Variants in RHAG observed in about 807,000 individuals in gnomAD.
RHAG encodes the protein ammonium transporter Rh type A.
In RHAG, 25 loss-of-function variants were observed where a neutral mutation model predicts 42.4. That is an observed-to-expected ratio of 0.59 (90% CI 0.43 to 0.82). RHAG has a LOEUF of 0.82. RHAG is among the 40% of genes least tolerant of loss of function. The probability of loss-of-function intolerance (pLI) is 0.00; values close to 1 mark genes in which losing one functional copy is unlikely to be tolerated. For synonymous variants in RHAG, 182 were observed against 177.7 expected (o/e 1.02, Z -0.19); for missense variants, 483 against 504.6 (o/e 0.96, Z 0.41).
At chr6:49,617,977 A>G in intron 3 of RHAG, 91 bp downstream of exon 3, 4 of 1,143,884 alleles carry the variant, frequency 3.5e-6, no homozygotes, top group Non-Finnish European at 3.9e-6. Flanking sequence ...TCTCACCAAG[A>G]TTTGCTCCCA....
intron 1 of RHAG, among the ~76,000 whole-genome samples, chr6:49,620,541 T>C (rs1036761322): frequency 8.6e-5 from 13 of 151,256 alleles, no homozygotes; most frequent in African/African-American, 3.0e-4. Context: ...CTCTCTTTTT[T>C]TGGGGGGGGA....
At chr6:49,606,599 G>T in intron 9 of RHAG, 1 of 417,808 alleles carries the variant, frequency 2.4e-6, no homozygotes, top group Non-Finnish European at 4.2e-6. Context: ...CCCATTGAAA[G>T]AAAAATTTTA....
intron 2 of RHAG, 136 bp downstream of exon 2, chr6:49,619,043 T>C (rs150085363): frequency 1.3e-5 from 12 of 939,618 alleles, no homozygotes; most frequent in Non-Finnish European, 1.9e-5. Flanking sequence ...ACTGATCCCA[T>C]TCATAAACAC....
At chr6:49,615,035 C>T (rs1762630639) in intron 4 of RHAG, 182 bp from the exon 5 acceptor site, 2 of 595,446 alleles carry the variant, frequency 3.4e-6, no homozygotes, top group Admixed American at 2.6e-5. Flanking sequence ...GCAACTTCCA[C>T]CTCTCAGGTT....
At chr6:49,623,851 T>C (rs886351164) in intron 1 of RHAG, among the ~76,000 whole-genome samples, 1 of 152,232 alleles carries the variant, frequency 6.6e-6, no homozygotes, top group Non-Finnish European at 1.5e-5. Flanking sequence ...TTAAACATTT[T>C]AGACCAAAAC....
intron 1 of RHAG, among the ~76,000 whole-genome samples, chr6:49,632,683 A>T (rs1047805854): frequency 6.6e-6 from 1 of 152,140 alleles, no homozygotes; most frequent in Admixed American, 6.5e-5. Context: ...AAACTAACGG[A>T]TTTTTAATGC....
chr6:49,619,089 C>T (rs556159035), intron 2 of RHAG, 90 bp downstream of exon 2: 2 of 1,422,924 alleles, frequency 1.4e-6, no homozygotes, highest in Non-Finnish European at 2.0e-6. Flanking sequence ...CCCAGTCCCC[C>T]ACCTCTTAAT....
chr6:49,608,957 G>C (rs181151117), intron 7 of RHAG, among the ~76,000 whole-genome samples: 1 of 152,134 alleles, frequency 6.6e-6, no homozygotes, highest in East Asian at 1.9e-4. Flanking sequence ...AGATATTTTT[G>C]ATAACAAGTG....
intron 1 of RHAG, among the ~76,000 whole-genome samples, chr6:49,632,728 A>T (rs941191693): frequency 2.6e-5 from 4 of 152,158 alleles, no homozygotes; most frequent in African/African-American, 4.8e-5. Flanking sequence ...TATGATTTTA[A>T]TGTCCCCTAG....
chr6:49,635,494 A>C (rs1483385832), intron 1 of RHAG, among the ~76,000 whole-genome samples: 1 of 152,148 alleles, frequency 6.6e-6, no homozygotes, highest in Non-Finnish European at 1.5e-5. Flanking sequence ...AATGAATGAA[A>C]TGTACAAAAG....
intron 1 of RHAG, among the ~76,000 whole-genome samples, chr6:49,622,467 CCTAAAGTG>C (rs370641254): frequency 1.0e-3 from 154 of 152,160 alleles, no homozygotes; most frequent in African/African-American, 3.6e-3. Context: ...TCCTTGGCTT[CCTAAAGTG>C]CTGGATTACA....
At chr6:49,621,459 CCTT>C (rs1762758492) in intron 1 of RHAG, among the ~76,000 whole-genome samples, 1 of 152,136 alleles carries the variant, frequency 6.6e-6, no homozygotes, top group Non-Finnish European at 1.5e-5. Flanking sequence ...GAGGCCTTCT[CCTT>C]CTCTGCCCAA....
At chr6:49,608,574 A>G (rs550969316) in intron 7 of RHAG, among the ~76,000 whole-genome samples, 56 of 152,098 alleles carry the variant, frequency 3.7e-4, no homozygotes, top group Admixed American at 2.3e-3. Flanking sequence ...ATGGGGTTTC[A>G]CCATATTGGC....
chr6:49,633,249 T>C (rs1035169550), intron 1 of RHAG, among the ~76,000 whole-genome samples: 1 of 152,174 alleles, frequency 6.6e-6, no homozygotes, highest in African/African-American at 2.4e-5. Context: ...TGTGAACTTC[T>C]TGGGGAGGAA....
Position 49,605,212 on chromosome 6 carries a change from A to G in RHAG, c.*601T>C, listed in dbSNP as rs1462326505. The G allele has an allele frequency of 6.4e-6, 1 of 155,060 alleles. No homozygotes were observed. Among genetic ancestry groups the G allele is most frequent in the Admixed American group, 6.3e-5 (1 of 15,958 alleles). The allele number at this position is 155,060 out of a possible 1,614,324, so 9.6% of individuals were successfully genotyped here. A position where few individuals can be genotyped will look rare whatever the true frequency, so the allele number is the denominator to read the frequency against. On this transcript the variant is annotated 3_prime_UTR_variant, in exon 10 of 10. Transcript: ENST00000371175. ...ACAATATTTAATTATTGGACATTTT[A>G]TGCAAAATAGACTTTGATCAGATAG...
At chr6:49,628,650 A>G (rs921911464) in intron 1 of RHAG, among the ~76,000 whole-genome samples, 2 of 145,436 alleles carry the variant, frequency 1.4e-5, no homozygotes, top group African/African-American at 2.6e-5. Flanking sequence ...GCGCGTCTGG[A>G]GTTGTTCGTT....
chr6:49,633,833 G>A (rs894871053), intron 1 of RHAG, among the ~76,000 whole-genome samples: 7 of 152,030 alleles, frequency 4.6e-5, no homozygotes, highest in Admixed American at 3.3e-4. Flanking sequence ...TACAGCCATG[G>A]CATTTTTTTT....
intron 3 of RHAG, among the ~76,000 whole-genome samples, chr6:49,617,248 C>T (rs577165474): frequency 1.3e-5 from 2 of 152,172 alleles, no homozygotes; most frequent in African/African-American, 4.8e-5. Flanking sequence ...TTAGGTCCAG[C>T]GTAACTGTCA....
chr6:49,620,337 T>G (rs550622154), intron 1 of RHAG, among the ~76,000 whole-genome samples: 25 of 152,316 alleles, frequency 1.6e-4, no homozygotes, highest in Admixed American at 1.5e-3. Flanking sequence ...AAATGCAAGA[T>G]AGTGAAAACA....
Sources: gnomAD v4.1 joint callset for allele counts (sites outside exome capture counted in the v4.1 genomes callset) on GRCh38, gnomAD v4.1.1 for gene constraint, MANE v1.5 for transcripts, NCBI Gene and HGNC (gene_info 2026-07-23, HGNC 2026-07-21) for gene names.